The following C13orf42 variants were observed in gnomAD, a reference collection of about 807,000 sequenced individuals.
C13orf42 encodes uncharacterized protein C13orf42.
At chr13:51,170,584 T>C (rs1953940557) in intron 1 of C13orf42, among the ~76,000 whole-genome samples, 1 of 152,184 alleles carries the variant, frequency 6.6e-6, no homozygotes, top group African/African-American at 2.4e-5. Context: ...TCCTTTCATT[T>C]TCTGGTAGAG....
chr13:51,157,819 T>C (rs927957819), intron 1 of C13orf42, among the ~76,000 whole-genome samples: 10 of 152,174 alleles, frequency 6.6e-5, no homozygotes, highest in African/African-American at 2.2e-4. Context: ...AATTCAGAAC[T>C]TGACAATTAA....
intron 1 of C13orf42, among the ~76,000 whole-genome samples, chr13:51,093,356 G>A (rs1458307895): frequency 6.6e-6 from 1 of 152,146 alleles, no homozygotes; most frequent in East Asian, 1.9e-4. Context: ...TGTCCAGTAG[G>A]ACTTTCTGTA....
At chr13:51,142,292 A>G (rs1037408617) in intron 1 of C13orf42, among the ~76,000 whole-genome samples, 3 of 152,268 alleles carry the variant, frequency 2.0e-5, no homozygotes, top group African/African-American at 4.8e-5. Context: ...GCTTATGCCC[A>G]GGAATAAACA....
chr13:51,106,031 G>GCACTGTTT (rs1021444260), intron 1 of C13orf42, among the ~76,000 whole-genome samples: 1 of 152,184 alleles, frequency 6.6e-6, no homozygotes, highest in African/African-American at 2.4e-5. Flanking sequence ...AGCTGTGCTT[G>GCACTGTTT]CACTGTTTCC....
intron 1 of C13orf42, among the ~76,000 whole-genome samples, chr13:51,148,510 G>A (rs1953755397): frequency 6.6e-6 from 1 of 152,226 alleles, no homozygotes; most frequent in African/African-American, 2.4e-5. Flanking sequence ...AGAGCTGTAA[G>A]GTAAAAGCCG....
chr13:51,083,716 A>T lies in C13orf42; in HGVS notation c.*435T>A, dbSNP rs1490664161. On this transcript the variant is annotated 3_prime_UTR_variant, in exon 4 of 4. Coordinates refer to ENST00000563710, the MANE Select transcript of C13orf42 (RefSeq NM_001351589.3). ...TCCAGCATGTCTCTGAGCCTCATAG[A>T]AAGAGGAGCTACCTCTTTGAAGCTT... The T allele has an allele frequency of 1.3e-5, 2 of 154,042 alleles. No individual in the cohort carries two copies. The highest frequency in any genetic ancestry group is 2.9e-5 in the Non-Finnish European group (2 of 69,354). The allele number at this position is 154,042 out of a possible 1,614,324, so 9.5% of individuals were successfully genotyped here.
chr13:51,146,471 C>T (rs760296688), intron 1 of C13orf42, among the ~76,000 whole-genome samples: 3 of 152,166 alleles, frequency 2.0e-5, no homozygotes, highest in Non-Finnish European at 2.9e-5. Context: ...AAGTTAAGGA[C>T]GCACGCCCAT....
intron 1 of C13orf42, among the ~76,000 whole-genome samples, chr13:51,142,739 A>G (rs1269419720): frequency 6.6e-6 from 1 of 152,016 alleles, no homozygotes; most frequent in Non-Finnish European, 1.5e-5. Context: ...ATATGTAAAG[A>G]AAGTAATACA....
chr13:51,088,661 T>A (rs1953153964), intron 1 of C13orf42, among the ~76,000 whole-genome samples: 1 of 152,184 alleles, frequency 6.6e-6, no homozygotes, highest in Admixed American at 6.5e-5. Context: ...ATGTACCCCA[T>A]AAATATATAC....
intron 1 of C13orf42, among the ~76,000 whole-genome samples, chr13:51,118,646 C>T (rs190039332): frequency 1.3e-5 from 2 of 152,312 alleles, no homozygotes; most frequent in Admixed American, 1.3e-4. Flanking sequence ...GGTGACTCTT[C>T]TTCAGGCAGC....
intron 1 of C13orf42, among the ~76,000 whole-genome samples, chr13:51,135,654 A>C (rs1485688369): frequency 2.1e-4 from 20 of 94,538 alleles, no homozygotes; most frequent in African/African-American, 9.5e-4. Context: ...CCCTGTCCCA[A>C]AAAAAAAAAA....
intron 1 of C13orf42, among the ~76,000 whole-genome samples, chr13:51,163,299 T>G (rs1289946610): frequency 2.0e-5 from 3 of 152,182 alleles, no homozygotes; most frequent in Non-Finnish European, 4.4e-5. Flanking sequence ...TTTCTCCAGC[T>G]TTTCTAGTTT....
chr13:51,171,949 T>G (rs1953957133), intron 1 of C13orf42: 1 of 152,184 alleles, frequency 6.6e-6, no homozygotes, highest in African/African-American at 2.4e-5. Flanking sequence ...AATTAAATTC[T>G]GGCCCTCAAA....
intron 1 of C13orf42, among the ~76,000 whole-genome samples, chr13:51,154,507 A>G (rs897893019): frequency 1.3e-5 from 2 of 152,188 alleles, no homozygotes; most frequent in Admixed American, 6.5e-5. Context: ...GCTTCAGCCA[A>G]TGGAACTAAG....
At chr13:51,132,464 GA>G (rs1176464681) in intron 1 of C13orf42, among the ~76,000 whole-genome samples, 6 of 151,532 alleles carry the variant, frequency 4.0e-5, no homozygotes, top group Admixed American at 6.6e-5. Flanking sequence ...TAAGCTTACC[GA>G]ATGTTTTCTT....
intron 1 of C13orf42, among the ~76,000 whole-genome samples, chr13:51,152,443 G>GCT (rs1386133659): frequency 6.6e-6 from 1 of 152,174 alleles, no homozygotes; most frequent in African/African-American, 2.4e-5. Context: ...GACCTCCTGG[G>GCT]CTCTAGTGAT....
chr13:51,141,913 TAA>T (rs1953699085), intron 1 of C13orf42, among the ~76,000 whole-genome samples: 1 of 152,194 alleles, frequency 6.6e-6, no homozygotes, highest in African/African-American at 2.4e-5. Flanking sequence ...AAATTATTGG[TAA>T]AGTTATATTA....
chr13:51,147,742 G>C (rs7400034), intron 1 of C13orf42, among the ~76,000 whole-genome samples: 94,301 of 151,364 alleles, frequency 0.62, 29,732 homozygotes, highest in African/African-American at 0.72. Context: ...AAAAAACAAC[G>C]AAGGGGTGGA....
intron 1 of C13orf42, among the ~76,000 whole-genome samples, chr13:51,094,754 C>T (rs1447787442): frequency 6.6e-6 from 1 of 152,118 alleles, no homozygotes; most frequent in African/African-American, 2.4e-5. Flanking sequence ...GAGTATAGAA[C>T]TCTGTTGATA....
Sources: gnomAD v4.1 joint callset for allele counts (sites outside exome capture counted in the v4.1 genomes callset) on GRCh38, gnomAD v4.1.1 for gene constraint, MANE v1.5 for transcripts, NCBI Gene and HGNC (gene_info 2026-07-23, HGNC 2026-07-21) for gene names.